Variants in IMMP2L observed in about 807,000 individuals in gnomAD.
The protein encoded by IMMP2L is inner mitochondrial membrane peptidase subunit 2, also known as mitochondrial inner membrane protease subunit 2.
Under a neutral mutation model 19.3 loss-of-function variants are expected in IMMP2L, and 18 were observed. The observed-to-expected ratio is 0.93, with a 90% confidence interval of 0.64 to 1.38. The LOEUF (loss-of-function observed/expected upper bound fraction) is 1.38. IMMP2L is among the 40% of genes most tolerant of loss of function. The probability of loss-of-function intolerance (pLI) is 0.00; values close to 1 mark genes in which losing one functional copy is unlikely to be tolerated. For missense variants in IMMP2L, 233 were observed against 218.2 expected, an observed-to-expected ratio of 1.07 and a Z score of -0.43; for synonymous variants, 76 against 73.0, an observed-to-expected ratio of 1.04 and a Z score of -0.21.
intron 3 of IMMP2L, among the ~76,000 whole-genome samples, chr7:111,264,763 T>C (rs1364018071): frequency 1.3e-5 from 2 of 151,272 alleles, no homozygotes; most frequent in Admixed American, 6.6e-5. Context: ...CCAGACTCTG[T>C]TGAAGAAGCA....
chr7:110,763,164 C>G (rs1380720398), intron 5 of IMMP2L, among the ~76,000 whole-genome samples: 1 of 152,048 alleles, frequency 6.6e-6, no homozygotes, highest in Non-Finnish European at 1.5e-5. Context: ...AATCAGAAAT[C>G]TTGAGAGGTT....
intron 3 of IMMP2L, among the ~76,000 whole-genome samples, chr7:111,060,851 T>C (rs760051855): frequency 1.3e-5 from 2 of 152,200 alleles, no homozygotes; most frequent in African/African-American, 2.4e-5. Flanking sequence ...TTGATTCAGA[T>C]ACTGTCCTAA....
intron 5 of IMMP2L, among the ~76,000 whole-genome samples, chr7:110,815,003 C>T (rs74590499): frequency 0.014 from 2,070 of 152,028 alleles, 24 homozygotes; most frequent in Middle Eastern, 0.027. Context: ...TGAACTACAA[C>T]GTCTTAACTG....
At chr7:111,098,060 T>C (rs1045076805) in intron 3 of IMMP2L, among the ~76,000 whole-genome samples, 4 of 151,794 alleles carry the variant, frequency 2.6e-5, no homozygotes, top group African/African-American at 4.8e-5. Context: ...GTGACTGCCA[T>C]ATATGAAAGA....
chr7:111,211,537 A>G (rs956222317), intron 3 of IMMP2L, among the ~76,000 whole-genome samples: 2 of 152,230 alleles, frequency 1.3e-5, no homozygotes, highest in Non-Finnish European at 2.9e-5. Context: ...GGACCCTGAG[A>G]AAGATTCTGA....
At chr7:111,016,814 TATTATATATAA>T (rs1825682001) in intron 3 of IMMP2L, among the ~76,000 whole-genome samples, 1 of 50,426 alleles carries the variant, frequency 2.0e-5, no homozygotes, top group Non-Finnish European at 3.9e-5. Context: ...ATATACTATA[TATTATATATAA>T]TATATAGTAT....
chr7:111,348,419 A>T (rs182495419), intron 3 of IMMP2L, among the ~76,000 whole-genome samples: 36 of 152,158 alleles, frequency 2.4e-4, no homozygotes, highest in South Asian at 1.2e-3. Flanking sequence ...TTTAATGCTA[A>T]ATTCTCATCC....
At chr7:111,500,167 C>G (rs533006693) in intron 2 of IMMP2L, among the ~76,000 whole-genome samples, 1 of 152,290 alleles carries the variant, frequency 6.6e-6, no homozygotes, top group Admixed American at 6.5e-5. Context: ...TATCCCGCAC[C>G]TGGCTCAGAG....
At chr7:111,342,401 G>A (rs991245127) in intron 3 of IMMP2L, among the ~76,000 whole-genome samples, 3 of 152,030 alleles carry the variant, frequency 2.0e-5, no homozygotes, top group Non-Finnish European at 4.4e-5. Flanking sequence ...AGACCATCCT[G>A]GTCAACATGG....
chr7:111,398,681 A>G (rs1393290888), intron 3 of IMMP2L, among the ~76,000 whole-genome samples: 1 of 152,076 alleles, frequency 6.6e-6, no homozygotes, highest in Admixed American at 6.5e-5. Flanking sequence ...GAGGAATTCA[A>G]ACTGTCACTG....
At chr7:110,713,015 C>T (rs1051181115) in intron 5 of IMMP2L, among the ~76,000 whole-genome samples, 8 of 152,122 alleles carry the variant, frequency 5.3e-5, no homozygotes, top group African/African-American at 1.4e-4. Context: ...TGTTCCTATT[C>T]GGCCATCTTC....
chr7:111,172,768 A>AT (rs1232206815), intron 3 of IMMP2L, among the ~76,000 whole-genome samples: 1 of 151,576 alleles, frequency 6.6e-6, no homozygotes, highest in Non-Finnish European at 1.5e-5. Flanking sequence ...TGCCTGGTTT[A>AT]TGTCATTTAA....
chr7:111,549,204 TTAAGTC>T (rs2133067233), intron 1 of IMMP2L, among the ~76,000 whole-genome samples: 1 of 152,264 alleles, frequency 6.6e-6, no homozygotes, highest in East Asian at 1.9e-4. Context: ...ACAAAAAAAT[TTAAGTC>T]TATGATAGTA....
chr7:111,236,250 C>A (rs1814298275), intron 3 of IMMP2L, among the ~76,000 whole-genome samples: 1 of 151,798 alleles, frequency 6.6e-6, no homozygotes, highest in South Asian at 2.1e-4. Flanking sequence ...TGATTTTCAC[C>A]TTTTGGGGTG....
chr7:110,957,865 C>T (rs542559939), intron 4 of IMMP2L, among the ~76,000 whole-genome samples: 3 of 151,958 alleles, frequency 2.0e-5, no homozygotes, highest in Non-Finnish European at 4.4e-5. Context: ...CTCTCTACCC[C>T]CTTTTCTGCT....
intron 3 of IMMP2L, among the ~76,000 whole-genome samples, chr7:111,030,205 G>C (rs1262085641): frequency 6.6e-6 from 1 of 151,868 alleles, no homozygotes; most frequent in East Asian, 1.9e-4. Context: ...CAGAAAATCA[G>C]ACCACTGAGG....
chr7:111,090,723 A>G (rs1586195876), intron 3 of IMMP2L, among the ~76,000 whole-genome samples: 2 of 152,310 alleles, frequency 1.3e-5, no homozygotes, highest in Non-Finnish European at 2.9e-5. Flanking sequence ...TTCTTAAATA[A>G]TGCAGTCATT....
intron 5 of IMMP2L, among the ~76,000 whole-genome samples, chr7:110,681,458 T>G (rs1273004889): frequency 6.6e-6 from 1 of 152,126 alleles, no homozygotes; most frequent in African/African-American, 2.4e-5. Context: ...TGTTTTGGAA[T>G]TGTTCTGACT....
intron 3 of IMMP2L, among the ~76,000 whole-genome samples, chr7:111,196,249 G>T (rs1306923645): frequency 6.6e-6 from 1 of 152,154 alleles, no homozygotes; most frequent in Non-Finnish European, 1.5e-5. Context: ...TAATGTGAAA[G>T]ATTATATTGT....
Sources: allele counts gnomAD v4.1 joint callset (sites outside exome capture counted in the v4.1 genomes callset), GRCh38; gene constraint gnomAD v4.1.1; transcripts MANE v1.5; gene names NCBI Gene and HGNC (gene_info 2026-07-23, HGNC 2026-07-21).